Variants in EPG5 observed in about 807,000 individuals in gnomAD.
EPG5 encodes the protein ectopic P-granules 5 autophagy tethering factor.
Under a neutral mutation model 302.7 loss-of-function variants are expected in EPG5, and 159 were observed. The ratio of observed to expected loss-of-function variants is 0.53; its 90% confidence interval spans 0.46 to 0.60. The LOEUF is 0.60. EPG5 is among the 20% of genes least tolerant of loss of function. The probability of loss-of-function intolerance (pLI) is 0.00; values close to 1 mark genes in which losing one functional copy is unlikely to be tolerated. For synonymous variants in EPG5, 1,158 were observed against 1,136.8 expected (o/e 1.02, Z -0.37); for missense variants, 2,896 against 3,092.4 (o/e 0.94, Z 1.51).
chr18:45,927,415 A>T (rs1298040375), intron 13 of EPG5, among the ~76,000 whole-genome samples: 1 of 152,168 alleles, frequency 6.6e-6, no homozygotes, highest in Non-Finnish European at 1.5e-5. Flanking sequence ...TCAAAAGACT[A>T]AAAATAGAAT....
chr18:45,867,066 G>T, intron 37 of EPG5, 59 bp from the exon 38 acceptor site: 1 of 1,226,332 alleles, frequency 8.2e-7, no homozygotes, highest in Non-Finnish European at 1.2e-6. Flanking sequence ...AGAAATATGT[G>T]TTGCTAACTA....
intron 35 of EPG5, among the ~76,000 whole-genome samples, chr18:45,871,703 T>G (rs1020689987): frequency 6.6e-6 from 1 of 152,184 alleles, no homozygotes. Flanking sequence ...CCACATGCTC[T>G]TACTCATATG....
At chr18:45,865,809 T>C (rs1439074111) in intron 38 of EPG5, 50 bp from the exon 39 acceptor site, 1 of 1,563,964 alleles carries the variant, frequency 6.4e-7, no homozygotes, top group Admixed American at 1.8e-5. Flanking sequence ...AAGCAAGGAG[T>C]GTTAACTGCA....
In EPG5 at chr18:45,955,085, C is replaced by A. The variant is rs1233714344; in HGVS notation, c.317G>T (p.Gly106Val). 1.2e-6 allele frequency: 2 copies of A among 1,613,822 alleles called. No individual in the cohort carries two copies. Among genetic ancestry groups the A allele is most frequent in the African/African-American group, 2.7e-5 (2 of 74,898 alleles). The part of the protein sequence containing the change: ...LTCNTEPPKE[G>V]GEARPCVGDS... ...CCCCACACAGGGTCTGGCCTCTCCC[C>A]CTTCCTTTGGGGGCTCTGTGTTACA... The change falls in exon 2 of 44, where the codon GGG becomes GTG. Residue 106 changes from glycine to valine, a missense_variant. This residue lies in a region of EPG5 where 1,390 missense variants were observed against 1,430.0 expected (regional missense o/e 0.97). Coordinates refer to ENST00000282041, the MANE Select transcript of EPG5 (RefSeq NM_020964.3).
chr18:45,805,268 G>A, the EPG5 span, among the ~76,000 whole-genome samples: 2 of 152,004 alleles, frequency 1.3e-5, 1 homozygote, highest in South Asian at 4.1e-4. Context: ...TAATAGTAGT[G>A]TACTAATGTT....
chr18:45,947,592 T>C (rs537812596), intron 6 of EPG5, among the ~76,000 whole-genome samples: 29 of 151,710 alleles, frequency 1.9e-4, no homozygotes, highest in Non-Finnish European at 3.4e-4. Context: ...AGGACTTCTA[T>C]AATCCAACCC....
In EPG5 at chr18:45,866,621, C is replaced by T. The variant is rs906523313; in HGVS notation, c.6621+177G>A. 5.3e-5 allele frequency among the ~76,000 whole-genome samples: 8 copies of T among 152,220 alleles called. No individual in the cohort carries two copies. The South Asian group carries it at 6.2e-4, about 12-fold the overall frequency. The stretch of plus-strand genomic sequence containing the variant: ...GACATTGCTAGTAAGTAAAAGTTCA[C>T]CCAAAGGGAGAACTCAACCCAAAAG... On this transcript the variant is annotated intron_variant, in intron 38 of 43. Transcript: ENST00000282041.
downstream of EPG5, among the ~76,000 whole-genome samples, chr18:45,846,175 C>T (rs893768225): frequency 1.2e-4 from 19 of 152,166 alleles, no homozygotes; most frequent in Middle Eastern, 6.8e-3. Flanking sequence ...GTCCCACCCC[C>T]TCTTCAATAA....
At chr18:45,826,013 G>A in the EPG5 span, among the ~76,000 whole-genome samples, 56 of 152,224 alleles carry the variant, frequency 3.7e-4, no homozygotes, top group Admixed American at 8.5e-4. Flanking sequence ...TGGCTTCAGG[G>A]TGGCTGCCTA....
the EPG5 span, chr18:45,842,132 A>G: frequency 3.7e-6 from 6 of 1,614,062 alleles, no homozygotes; most frequent in Non-Finnish European, 4.2e-6. Context: ...TCCAATTATG[A>G]AAATTTGAGC....
At chr18:45,889,003 C>T (rs1168970987) in intron 28 of EPG5, among the ~76,000 whole-genome samples, 2 of 152,118 alleles carry the variant, frequency 1.3e-5, no homozygotes, top group Non-Finnish European at 2.9e-5. Flanking sequence ...ATAGCCCTTC[C>T]AATTCTCACA....
the EPG5 span, among the ~76,000 whole-genome samples, chr18:45,821,860 T>C: frequency 1.3e-5 from 2 of 152,232 alleles, no homozygotes; most frequent in African/African-American, 4.8e-5. Context: ...GAACAAATGC[T>C]TGACGTCACT....
In EPG5 at chr18:45,882,447, A is replaced by G; in HGVS notation, c.5345T>C (p.Leu1782Pro). 6.2e-7 allele frequency: 1 copy of G among 1,614,216 alleles called. No homozygotes were observed. The highest frequency in any genetic ancestry group is 8.5e-7 in the Non-Finnish European group (1 of 1,180,036). The change falls in exon 31 of 44, where the codon CTG becomes CCG. Residue 1782 changes from leucine (L) to proline (P), a missense_variant. Physicochemically the swap from Leu to Pro is moderately conservative, Grantham distance 98. Coordinates refer to ENST00000282041, the MANE Select transcript of EPG5 (RefSeq NM_020964.3). ...CTCCAGAAGCCTGGTACGATCAGAC[A>G]GAGGAGGTTTAGTGGCGCTTAACCA... ...KQWLSATKPP[L>P]SDRTRLLESI... is the part of the protein sequence containing the mutation.
At chr18:45,966,991 G>A (rs747222880) in intron 1 of EPG5, among the ~76,000 whole-genome samples, 186 bp downstream of exon 1, 27 of 152,172 alleles carry the variant, frequency 1.8e-4, no homozygotes, top group Non-Finnish European at 2.4e-4. Context: ...GTGGCAGGGG[G>A]ATATGGAGAA....
intron 32 of EPG5, 106 bp from the exon 33 acceptor site, chr18:45,879,320 G>T: frequency 1.4e-6 from 1 of 736,036 alleles, no homozygotes; most frequent in East Asian, 2.6e-5. Flanking sequence ...GACTTTATAA[G>T]AGAGTGGCAA....
intron 1 of EPG5, among the ~76,000 whole-genome samples, chr18:45,966,691 T>C (rs1323033170): frequency 1.3e-5 from 2 of 152,198 alleles, no homozygotes; most frequent in Non-Finnish European, 2.9e-5. Context: ...TACTATCATC[T>C]TGAACTTTCA....
chr18:45,943,977 A>G, intron 8 of EPG5, 28 bp downstream of exon 8: 1 of 1,455,904 alleles, frequency 6.9e-7, no homozygotes, highest in Non-Finnish European at 9.7e-7. Flanking sequence ...CCACTACCAC[A>G]TTTTACACTT....
chr18:45,964,307 T>C (rs2051204524), intron 1 of EPG5, among the ~76,000 whole-genome samples: 1 of 152,212 alleles, frequency 6.6e-6, no homozygotes, highest in Admixed American at 6.5e-5. Flanking sequence ...AACTATTAAG[T>C]TCCTGGATTG....
intron 36 of EPG5, among the ~76,000 whole-genome samples, chr18:45,870,347 A>G (rs552786891): frequency 6.6e-6 from 1 of 152,206 alleles, no homozygotes; most frequent in South Asian, 2.1e-4. Flanking sequence ...TTATAGATAA[A>G]ATCTTTCTCT....
Sources: gnomAD v4.1 joint callset for allele counts (sites outside exome capture counted in the v4.1 genomes callset) on GRCh38, gnomAD v4.1.1 for gene constraint, gnomAD v4.1.1 regional missense constraint, MANE v1.5 for transcripts, NCBI Gene and HGNC (gene_info 2026-07-23, HGNC 2026-07-21) for gene names.